FBXO25: variants seen among roughly 807,000 people sequenced by gnomAD.
FBXO25 encodes the protein F-box protein 25.
In FBXO25, 45 loss-of-function variants were observed where a neutral mutation model predicts 51.9. The observed-to-expected ratio is 0.87, with a 90% CI of 0.68 to 1.11. The LOEUF is 1.11. FBXO25 is among the 50% of genes most tolerant of loss of function. FBXO25 has a pLI of 0.00. For missense variants in FBXO25, 507 were observed against 428.5 expected, an observed-to-expected ratio of 1.18 and a Z score of -1.62; for synonymous variants, 199 against 151.0, an observed-to-expected ratio of 1.32 and a Z score of -2.33.
intron 9 of FBXO25, among the ~76,000 whole-genome samples, chr8:466,459 G>A (rs1800166695): frequency 6.6e-6 from 1 of 152,230 alleles, no homozygotes; most frequent in African/African-American, 2.4e-5. Context: ...CTTAGGGTTA[G>A]GGTCACTGCT....
Position 469,493 on chromosome 8 carries a change from A to C in FBXO25, c.*689A>C, listed in dbSNP as rs933678729. On this transcript the variant is annotated 3_prime_UTR_variant, in exon 10 of 10. Transcript: ENST00000350302. Reference sequence around the variant, plus strand: ...GTGCATAATCCTGGACTGTGATGGGAACAGCCCAGTGCAGTCTAAACTTCA... The same window carrying C: ...GTGCATAATCCTGGACTGTGATGGGCACAGCCCAGTGCAGTCTAAACTTCA... The C allele has an allele frequency of 6.6e-6, 1 of 152,228 alleles. No individual in the cohort carries two copies. Among genetic ancestry groups the C allele is most frequent in the African/African-American group, 2.4e-5 (1 of 41,452 alleles). The allele number at this position is 152,228 out of a possible 1,614,324, so 9.4% of individuals were successfully genotyped here.
chr8:417,447 G>T (rs189402106), intron 2 of FBXO25, among the ~76,000 whole-genome samples: 13 of 152,368 alleles, frequency 8.5e-5, no homozygotes, highest in African/African-American at 3.1e-4. Flanking sequence ...GATGTATTCT[G>T]CAGGTGGAAC....
chr8:412,207 T>C (rs1197529304), intron 1 of FBXO25, among the ~76,000 whole-genome samples: 1 of 152,156 alleles, frequency 6.6e-6, no homozygotes, highest in Non-Finnish European at 1.5e-5. Flanking sequence ...GAAATTAATA[T>C]CCCTTATCTC....
chr8:421,004 G>A (rs1423036650), intron 2 of FBXO25, among the ~76,000 whole-genome samples: 2 of 152,214 alleles, frequency 1.3e-5, no homozygotes, highest in African/African-American at 4.8e-5. Context: ...CCATAATCCA[G>A]GGGTCCCCAA....
chr8:435,775 T>A (rs914815426), intron 5 of FBXO25, 68 bp downstream of exon 5: 1 of 1,545,138 alleles, frequency 6.5e-7, no homozygotes, highest in African/African-American at 1.4e-5. Context: ...AGATTGTAAG[T>A]GTACAACGTT....
At position 463,748 on chromosome 8, in the gene FBXO25, C is replaced by G. The variant is rs529147955; in HGVS notation, c.987+598C>G. ...TTCATCCAGTTACTTCCTGTTCTCA[C>G]CATCCAGACTGTGTGTCTAAATAGA... On this transcript the variant is annotated intron_variant, in intron 9 of 9. Coordinates refer to ENST00000350302, the MANE Select transcript of FBXO25 (RefSeq NM_183420.2). Among the ~76,000 whole-genome samples, 14 of 152,142 alleles carry G rather than the reference C, an allele frequency of 9.2e-5. No homozygotes were observed. In the South Asian group the frequency reaches 2.9e-3, roughly 32 times the overall value.
At chr8:467,929 G>A (rs566620699) in intron 9 of FBXO25, 12 of 1,441,246 alleles carry the variant, frequency 8.3e-6, no homozygotes, top group South Asian at 5.8e-5. Flanking sequence ...AAGGACGAGA[G>A]TGTTGATGAA....
chr8:465,566 G>A (rs1800102997), intron 9 of FBXO25, among the ~76,000 whole-genome samples: 1 of 152,152 alleles, frequency 6.6e-6, no homozygotes. Flanking sequence ...ACATTGTTAG[G>A]CAGTACAGAT....
At chr8:459,399 T>C (rs892600180) in intron 8 of FBXO25, among the ~76,000 whole-genome samples, 7 of 152,182 alleles carry the variant, frequency 4.6e-5, no homozygotes, top group African/African-American at 1.7e-4. Context: ...GCTGTGTGTT[T>C]GGTGGATAGT....
At chr8:421,029 A>G (rs968278531) in intron 2 of FBXO25, among the ~76,000 whole-genome samples, 4 of 152,240 alleles carry the variant, frequency 2.6e-5, no homozygotes, top group Non-Finnish European at 5.9e-5. Flanking sequence ...TAGGCCATGG[A>G]TCGGTACCAG....
chr8:441,608 A>T (rs1280834974), intron 5 of FBXO25, among the ~76,000 whole-genome samples: 1 of 152,218 alleles, frequency 6.6e-6, no homozygotes, highest in Non-Finnish European at 1.5e-5. Flanking sequence ...AAATTTTTGC[A>T]ATCTATCCAT....
intron 9 of FBXO25, chr8:467,694 C>G: frequency 6.2e-7 from 1 of 1,613,450 alleles, no homozygotes; most frequent in East Asian, 2.2e-5. Context: ...GCATTCCTTC[C>G]TGATTCTTTC....
chr8:418,343 T>TC (rs1563064051), intron 2 of FBXO25, among the ~76,000 whole-genome samples: 1 of 132,916 alleles, frequency 7.5e-6, no homozygotes, highest in African/African-American at 2.8e-5. Context: ...CTTTTTTTTT[T>TC]TTTTTTTTTT....
rs1385691217 is a variant in FBXO25, at chr8:447,943, G to A, written c.382-2047G>A. 2.6e-5 allele frequency among the ~76,000 whole-genome samples: 4 copies of A among 152,250 alleles called. No individual in the cohort carries two copies. The East Asian group carries it at 7.7e-4, about 29-fold the overall frequency. On this transcript the variant is annotated intron_variant, in intron 5 of 9. Transcript: ENST00000350302. ...GCAGAAGAAAGGATGGCAGCAGCCG[G>A]GAGAACCACCACAGAGGCGAAGGTG...
At chr8:467,689 C>T (rs1283044933) in intron 9 of FBXO25, 22 of 1,613,098 alleles carry the variant, frequency 1.4e-5, no homozygotes, top group Middle Eastern at 1.6e-4. Context: ...TCACTGCATT[C>T]CTTCCTGATT....
intron 5 of FBXO25, among the ~76,000 whole-genome samples, chr8:439,138 G>A (rs532057460): frequency 1.9e-4 from 29 of 152,308 alleles, no homozygotes; most frequent in Non-Finnish European, 3.2e-4. Flanking sequence ...GTAGAACTGG[G>A]TCCTGATCCT....
chr8:458,784 G>T (rs1384618131), intron 8 of FBXO25, among the ~76,000 whole-genome samples: 1 of 152,190 alleles, frequency 6.6e-6, no homozygotes, highest in East Asian at 1.9e-4. Flanking sequence ...AAACTGAACA[G>T]CAAAGCAAGA....
chr8:455,659 T>A (rs1218280140), intron 7 of FBXO25, among the ~76,000 whole-genome samples: 1 of 152,190 alleles, frequency 6.6e-6, no homozygotes, highest in African/African-American at 2.4e-5. Context: ...GAAGTGGGAA[T>A]CATTGACAGT....
intron 9 of FBXO25, among the ~76,000 whole-genome samples, chr8:466,697 A>G (rs10109251): frequency 0.54 from 82,374 of 151,838 alleles, 24,196 homozygotes; most frequent in African/African-American, 0.79. Context: ...CTGTGGAGCC[A>G]CTTCATCTGC....
Sources: allele counts gnomAD v4.1 joint callset (sites outside exome capture counted in the v4.1 genomes callset), GRCh38; gene constraint gnomAD v4.1.1; transcripts MANE v1.5; gene names NCBI Gene and HGNC (gene_info 2026-07-23, HGNC 2026-07-21).